Variants in MAGI2 observed in about 807,000 individuals in gnomAD.
MAGI2 encodes the protein membrane-associated guanylate kinase, WW and PDZ domain-containing protein 2.
Under a neutral mutation model 133.3 loss-of-function variants are expected in MAGI2, and 35 were observed. The observed-to-expected ratio is 0.26, with a 90% CI of 0.20 to 0.35. The LOEUF (loss-of-function observed/expected upper bound fraction) is 0.35, where lower values mean the gene tolerates loss of function less well. MAGI2 is among the 10% of genes least tolerant of loss of function. The pLI, the probability that MAGI2 is intolerant of heterozygous loss-of-function variation, is 1.00. For missense variants in MAGI2, 1,636 were observed against 1,863.4 expected (o/e 0.88, Z 2.25); for synonymous variants, 729 against 710.6 (o/e 1.03, Z -0.41).
At chr7:79,289,533 T>C (rs754920970) in intron 1 of MAGI2, among the ~76,000 whole-genome samples, 12 of 152,188 alleles carry the variant, frequency 7.9e-5, no homozygotes, top group Non-Finnish European at 1.5e-4. Context: ...TGGACTATTA[T>C]TGATGACTAG....
At chr7:79,095,928 C>T (rs369041545) in intron 1 of MAGI2, among the ~76,000 whole-genome samples, 9 of 152,164 alleles carry the variant, frequency 5.9e-5, no homozygotes, top group East Asian at 3.9e-4. Context: ...TCTGTAAAAA[C>T]GACAGTATCT....
At chr7:78,362,090 T>A (rs1332196222) in intron 7 of MAGI2, among the ~76,000 whole-genome samples, 1 of 151,892 alleles carries the variant, frequency 6.6e-6, no homozygotes, top group Non-Finnish European at 1.5e-5. Flanking sequence ...TCACTTGAGG[T>A]CAGGAGTTTG....
At chr7:78,274,930 C>G (rs1299124552) in intron 9 of MAGI2, among the ~76,000 whole-genome samples, 1 of 152,094 alleles carries the variant, frequency 6.6e-6, no homozygotes, top group Non-Finnish European at 1.5e-5. Context: ...GCCTCAGCCT[C>G]TTTTCCTTTC....
intron 1 of MAGI2, among the ~76,000 whole-genome samples, chr7:79,358,188 C>G (rs848951): frequency 6.6e-6 from 1 of 151,956 alleles, no homozygotes; most frequent in Non-Finnish European, 1.5e-5. Context: ...CCCCACCTAA[C>G]GCCAACACTT....
chr7:78,383,513 G>T (rs1315068222), intron 6 of MAGI2, among the ~76,000 whole-genome samples: 3 of 151,862 alleles, frequency 2.0e-5, no homozygotes, highest in Non-Finnish European at 4.4e-5. Context: ...GTACCATGTT[G>T]GATGAATGAT....
At chr7:79,054,678 A>G (rs866914473) in intron 1 of MAGI2, among the ~76,000 whole-genome samples, 12 of 151,912 alleles carry the variant, frequency 7.9e-5, no homozygotes, top group Non-Finnish European at 1.3e-4. Context: ...TGTTCCTCCC[A>G]TGTTTCTGCT....
chr7:78,653,439 G>A (rs1336417553), intron 2 of MAGI2, among the ~76,000 whole-genome samples: 1 of 152,170 alleles, frequency 6.6e-6, no homozygotes, highest in East Asian at 1.9e-4. Flanking sequence ...ATACATTATG[G>A]AATACTATCC....
At chr7:79,421,911 T>C (rs1034285417) in intron 1 of MAGI2, among the ~76,000 whole-genome samples, 4 of 152,038 alleles carry the variant, frequency 2.6e-5, no homozygotes, top group African/African-American at 9.7e-5. Context: ...GTCCTCATAT[T>C]CTTGTATTTC....
intron 1 of MAGI2, among the ~76,000 whole-genome samples, chr7:79,061,654 A>G (rs566116074): frequency 2.0e-5 from 3 of 152,266 alleles, no homozygotes; most frequent in African/African-American, 7.2e-5. Flanking sequence ...GGGGTGGCAA[A>G]TAAGTTCTAC....
At chr7:79,028,584 G>A (rs935632901) in intron 1 of MAGI2, among the ~76,000 whole-genome samples, 6 of 151,648 alleles carry the variant, frequency 4.0e-5, no homozygotes, top group African/African-American at 1.5e-4. Context: ...AGAATCAGGG[G>A]CTAGCACAAA....
intron 5 of MAGI2, among the ~76,000 whole-genome samples, chr7:78,492,031 G>A (rs62467104): frequency 0.2 from 30,863 of 151,566 alleles, 5,010 homozygotes; most frequent in African/African-American, 0.45. Context: ...TCCTCTTTTC[G>A]GAGAAAAGTC....
intron 2 of MAGI2, among the ~76,000 whole-genome samples, chr7:78,859,065 CTTT>C (rs530233757): frequency 6.8e-6 from 1 of 147,804 alleles, no homozygotes; most frequent in African/African-American, 2.5e-5. Flanking sequence ...GCAACCCCTG[CTTT>C]TTTTTTTGTT....
intron 21 of MAGI2, among the ~76,000 whole-genome samples, chr7:78,027,925 G>T (rs1027181935): frequency 6.6e-6 from 1 of 152,170 alleles, no homozygotes; most frequent in Non-Finnish European, 1.5e-5. Flanking sequence ...GTTGTCTGGG[G>T]TTAGACAATA....
chr7:78,535,446 G>T (rs17437496), intron 3 of MAGI2, among the ~76,000 whole-genome samples: 8,121 of 152,238 alleles, frequency 0.053, 361 homozygotes, highest in Non-Finnish European at 0.079. Flanking sequence ...CAGCAAGAGT[G>T]AAAAGTCTTG....
intron 1 of MAGI2, among the ~76,000 whole-genome samples, chr7:79,354,966 T>C (rs1841928882): frequency 6.6e-6 from 1 of 152,200 alleles, no homozygotes; most frequent in Admixed American, 6.5e-5. Context: ...GGGATCACTA[T>C]CTTTCATGGT....
intron 6 of MAGI2, among the ~76,000 whole-genome samples, chr7:78,414,589 AT>A (rs756707710): frequency 1.3e-5 from 2 of 151,460 alleles, no homozygotes; most frequent in South Asian, 2.1e-4. Flanking sequence ...AAAACATTAG[AT>A]TTTTTTTTCC....
At chr7:79,431,063 T>C (rs945357863) in intron 1 of MAGI2, among the ~76,000 whole-genome samples, 3 of 152,162 alleles carry the variant, frequency 2.0e-5, no homozygotes, top group East Asian at 3.9e-4. Flanking sequence ...GAAATAATCA[T>C]AATAATTGGA....
At chr7:79,101,723 C>CAAAAAAAAAAAAAA (rs376256842) in intron 1 of MAGI2, among the ~76,000 whole-genome samples, 35 of 112,402 alleles carry the variant, frequency 3.1e-4, no homozygotes, top group South Asian at 6.4e-4. Context: ...GACTCTGTCA[C>CAAAAAAAAAAAAAA]AAAAAAAAAA....
chr7:78,051,355 T>C (rs762449035), intron 21 of MAGI2, among the ~76,000 whole-genome samples: 1 of 152,194 alleles, frequency 6.6e-6, no homozygotes, highest in Non-Finnish European at 1.5e-5. Flanking sequence ...CTGAGAAATA[T>C]TGTTACTGCT....
Sources: gnomAD v4.1 joint callset for allele counts (sites outside exome capture counted in the v4.1 genomes callset) on GRCh38, gnomAD v4.1.1 for gene constraint, MANE v1.5 for transcripts, NCBI Gene and HGNC (gene_info 2026-07-23, HGNC 2026-07-21) for gene names.